KIRREL3: variants seen among roughly 807,000 people sequenced by gnomAD.
KIRREL3 encodes kirre like nephrin family adhesion molecule 3.
A neutral mutation model predicts 89.7 loss-of-function variants in KIRREL3; 36 were observed. That is an observed-to-expected ratio of 0.40 (90% CI 0.31 to 0.53). The LOEUF (loss-of-function observed/expected upper bound fraction) is 0.53. KIRREL3 is among the 20% of genes least tolerant of loss of function. KIRREL3 has a pLI of 0.49. For synonymous variants in KIRREL3, 445 were observed against 441.4 expected (o/e 1.01, Z -0.10); for missense variants, 864 against 1,056.6 (o/e 0.82, Z 2.53).
At chr11:126,720,292 C>T (rs1948119933) in intron 1 of KIRREL3, among the ~76,000 whole-genome samples, 2 of 152,198 alleles carry the variant, frequency 1.3e-5, no homozygotes, top group Admixed American at 1.3e-4. Context: ...GAATTTAGAC[C>T]TGGTGAGACT....
intron 4 of KIRREL3, among the ~76,000 whole-genome samples, chr11:126,500,098 C>T (rs776386215): frequency 2.0e-5 from 3 of 152,096 alleles, no homozygotes; most frequent in East Asian, 1.9e-4. Context: ...TCTGGGAAGC[C>T]GACCTCTAGT....
rs1263665967 is a variant in KIRREL3, at chr11:126,652,020, G to A, written c.56-89108C>T. Among the ~76,000 whole-genome samples, 1 of 152,174 alleles carries A rather than the reference G, an allele frequency of 6.6e-6. No homozygotes were observed. Among genetic ancestry groups the A allele is most frequent in the Admixed American group, 6.5e-5 (1 of 15,282 alleles). The stretch of plus-strand genomic sequence containing the variant: ...CCAATGGGAGAATGAGGCAAAAAGC[G>A]GAGTTCATCCTTGTGCTAACCAAAG... On this transcript the variant is annotated intron_variant, in intron 1 of 16. Coordinates refer to ENST00000525144, the MANE Select transcript of KIRREL3 (RefSeq NM_032531.4). The surrounding 1 kb of genome is among the most constrained non-coding windows in gnomAD (Gnocchi z 4.9).
At chr11:126,619,815 G>A (rs1034092115) in intron 1 of KIRREL3, among the ~76,000 whole-genome samples, 12 of 152,150 alleles carry the variant, frequency 7.9e-5, no homozygotes, top group Admixed American at 1.3e-4. Flanking sequence ...GTTATTTTTC[G>A]GATCCTGAAA....
chr11:126,829,946 G>A (rs945123602), intron 1 of KIRREL3, among the ~76,000 whole-genome samples: 2 of 152,194 alleles, frequency 1.3e-5, no homozygotes, highest in African/African-American at 4.8e-5. Context: ...CTGGAAAGAT[G>A]TGCATAGTCT....
intron 4 of KIRREL3, among the ~76,000 whole-genome samples, chr11:126,482,497 A>G (rs950236385): frequency 6.6e-6 from 1 of 152,228 alleles, no homozygotes; most frequent in African/African-American, 2.4e-5. Flanking sequence ...ACAAAACCAG[A>G]TTCACTGTAT....
rs376546732 is a variant in KIRREL3, at chr11:126,937,771, T to C, written c.55+62684A>G. Among the ~76,000 whole-genome samples the C allele has an allele frequency of 3.3e-3, 500 of 152,212 alleles. 2 individuals carry two copies. Among genetic ancestry groups the C allele is most frequent in the African/African-American group, 0.01 (434 of 41,506 alleles). On this transcript the variant is annotated intron_variant, in intron 1 of 16. Coordinates refer to ENST00000525144, the MANE Select transcript of KIRREL3 (RefSeq NM_032531.4). ...AAAATCAGCCGGGCGTGGTGGCAGGTGCCTGTAGTCCCAGCTGCTCGGGAG... is the reference window on the plus strand; with the variant it reads ...AAAATCAGCCGGGCGTGGTGGCAGGCGCCTGTAGTCCCAGCTGCTCGGGAG...
chr11:126,520,182 T>A lies in KIRREL3; in HGVS notation c.433+1133A>T, dbSNP rs145018598. Among the ~76,000 whole-genome samples the A allele has an allele frequency of 6.8e-3, 1,029 of 152,318 alleles. 3 individuals are homozygous for A. The highest frequency in any genetic ancestry group is 0.024 in the Middle Eastern group (7 of 294). On this transcript the variant is annotated intron_variant, in intron 4 of 16. Transcript: ENST00000525144. The surrounding 1 kb of genome is among the most constrained non-coding windows in gnomAD (Gnocchi z 4.9). Reference sequence around the variant, plus strand: ...CTGACATGCTTTTAAATATTTCATCTCTGAGCAGCTGTGTGCTTTAGCTGC... The same window carrying A: ...CTGACATGCTTTTAAATATTTCATCACTGAGCAGCTGTGTGCTTTAGCTGC...
At chr11:126,884,409 C>T (rs1433268955) in intron 1 of KIRREL3, among the ~76,000 whole-genome samples, 4 of 152,146 alleles carry the variant, frequency 2.6e-5, no homozygotes, top group Admixed American at 6.5e-5. Flanking sequence ...AGGTATGTCC[C>T]AATACATGTG....
At chr11:126,693,607 C>CCCCA (rs1555176878) in intron 1 of KIRREL3, among the ~76,000 whole-genome samples, 1 of 149,884 alleles carries the variant, frequency 6.7e-6, no homozygotes, top group Admixed American at 6.7e-5. Flanking sequence ...GTGCCTGTGA[C>CCCCA]CACACACACA....
rs551317152 is a variant in KIRREL3 at position 126,643,186 on chromosome 11, C to G, written c.56-80274G>C. Reference sequence around the variant, plus strand: ...AGCTTCAATTTTCCTATTTCTATAACAAGAATATTAATGGTATCTATTTCA... The same window carrying G: ...AGCTTCAATTTTCCTATTTCTATAAGAAGAATATTAATGGTATCTATTTCA... On this transcript the variant is annotated intron_variant, in intron 1 of 16. Coordinates refer to ENST00000525144, the MANE Select transcript of KIRREL3 (RefSeq NM_032531.4). This position sits in a 1 kb window ranked among gnomAD's most constrained non-coding sequence, Gnocchi z 4.5. Among the ~76,000 whole-genome samples, 1 of 152,038 alleles carries G rather than the reference C, an allele frequency of 6.6e-6. No individual in the cohort carries two copies. The highest frequency in any genetic ancestry group is 2.1e-4 in the South Asian group (1 of 4,822).
intron 1 of KIRREL3, among the ~76,000 whole-genome samples, chr11:126,952,174 T>C (rs1273878532): frequency 1.3e-5 from 2 of 152,128 alleles, no homozygotes; most frequent in Non-Finnish European, 2.9e-5. Context: ...TCACCTGAGG[T>C]CAGGAGTTCG....
intron 1 of KIRREL3, among the ~76,000 whole-genome samples, chr11:126,821,478 C>A (rs929329882): frequency 1.3e-5 from 2 of 151,424 alleles, no homozygotes; most frequent in East Asian, 3.9e-4. Flanking sequence ...GTGACCTGGG[C>A]AAAAATTATT....
chr11:126,641,764 T>C lies in KIRREL3; in HGVS notation c.56-78852A>G, dbSNP rs1192542660. 1.3e-5 allele frequency among the ~76,000 whole-genome samples: 2 copies of C among 152,216 alleles called. No individual in the cohort carries two copies. The highest frequency in any genetic ancestry group is 4.8e-5 in the African/African-American group (2 of 41,452). On this transcript the variant is annotated intron_variant, in intron 1 of 16. Coordinates refer to ENST00000525144, the MANE Select transcript of KIRREL3 (RefSeq NM_032531.4). The surrounding 1 kb of genome is among the most constrained non-coding windows in gnomAD (Gnocchi z 5.0). ...CATAGCATTTATTATGCTATGTAAA[T>C]ACACCATTATATATGAATTTATAGC...
chr11:126,461,760 A>G (rs944789063), intron 6 of KIRREL3, among the ~76,000 whole-genome samples: 2 of 152,020 alleles, frequency 1.3e-5, no homozygotes, highest in African/African-American at 4.8e-5. Flanking sequence ...CCATCTCTGG[A>G]CTCCAGGTCC....
chr11:126,504,947 A>G (rs2134378797), intron 4 of KIRREL3, among the ~76,000 whole-genome samples: 1 of 152,362 alleles, frequency 6.6e-6, no homozygotes, highest in South Asian at 2.1e-4. Flanking sequence ...ATTTCACAAA[A>G]CCCAACACGA....
rs945951498 is a variant in KIRREL3 at position 126,773,540 on chromosome 11, G to A, written c.56-210628C>T. On this transcript the variant is annotated intron_variant, in intron 1 of 16. Transcript: ENST00000525144. The surrounding 1 kb of genome is among the most constrained non-coding windows in gnomAD (Gnocchi z 4.2). ...GCTTCCTGTTGGTTCTGTTTCTCTGGAGAATCCTGACTAATTCAAAGCCAA... is the reference window on the plus strand; with the variant it reads ...GCTTCCTGTTGGTTCTGTTTCTCTGAAGAATCCTGACTAATTCAAAGCCAA... Among the ~76,000 whole-genome samples the A allele has an allele frequency of 6.6e-6, 1 of 152,174 alleles. No homozygotes were observed. Among genetic ancestry groups the A allele is most frequent in the African/African-American group, 2.4e-5 (1 of 41,438 alleles).
At chr11:126,966,417 T>G (rs2135198104) in intron 1 of KIRREL3, among the ~76,000 whole-genome samples, 1 of 152,248 alleles carries the variant, frequency 6.6e-6, no homozygotes, top group South Asian at 2.1e-4. Flanking sequence ...ATCTTGGGCG[T>G]ATTGATTGAG....
intron 10 of KIRREL3, 148 bp from the exon 11 acceptor site, chr11:126,440,697 A>G: frequency 2.8e-6 from 2 of 714,956 alleles, no homozygotes; most frequent in South Asian, 1.6e-5. Flanking sequence ...AGTGCAAGGT[A>G]GAGGACTCAG....
At position 126,627,530 on chromosome 11, in the gene KIRREL3, C is replaced by T. The variant is rs1015002137; in HGVS notation, c.56-64618G>A. On this transcript the variant is annotated intron_variant, in intron 1 of 16. Coordinates refer to ENST00000525144, the MANE Select transcript of KIRREL3 (RefSeq NM_032531.4). The surrounding 1 kb of genome is among the most constrained non-coding windows in gnomAD (Gnocchi z 5.0). Reference sequence around the variant, plus strand: ...AATGTCATAGCAGCCTCCCTGGCTCCATGGTGACTGACGCTGCCAGTCCAG... The same window carrying T: ...AATGTCATAGCAGCCTCCCTGGCTCTATGGTGACTGACGCTGCCAGTCCAG... 6.6e-6 allele frequency among the ~76,000 whole-genome samples: 1 copy of T among 152,210 alleles called. No individual in the cohort carries two copies. The highest frequency in any genetic ancestry group is 1.5e-5 in the Non-Finnish European group (1 of 68,044).
Sources: allele counts gnomAD v4.1 joint callset (sites outside exome capture counted in the v4.1 genomes callset), GRCh38; gene constraint gnomAD v4.1.1; non-coding constraint Gnocchi (gnomAD v3.1); transcripts MANE v1.5; gene names NCBI Gene and HGNC (gene_info 2026-07-23, HGNC 2026-07-21).